The following ATL2 variants were observed in gnomAD, a reference collection of about 807,000 sequenced individuals.
ATL2 encodes atlastin GTPase 2.
Under a neutral mutation model 73.9 loss-of-function variants are expected in ATL2, and 31 were observed. That is an observed-to-expected ratio of 0.42 (90% CI 0.32 to 0.57). The LOEUF is 0.57. Ranked by LOEUF, ATL2 falls within the 20% of genes least tolerant of loss-of-function variation. The pLI is 0.14. For synonymous variants in ATL2, 291 were observed against 237.5 expected, an observed-to-expected ratio of 1.23 and a Z score of -2.07; for missense variants, 738 against 702.6, an observed-to-expected ratio of 1.05 and a Z score of -0.57.
chr2:38,359,052 A>G (rs900297920), intron 1 of ATL2, among the ~76,000 whole-genome samples: 4 of 152,216 alleles, frequency 2.6e-5, no homozygotes, highest in Non-Finnish European at 5.9e-5. Flanking sequence ...AAATTACAAA[A>G]ACAAAAATTT....
chr2:38,295,995 C>T lies in ATL2; in HGVS notation c.1751G>A (p.Ter584=), dbSNP rs1262098647. 12 of 1,544,532 alleles carry T rather than the reference C, an allele frequency of 7.8e-6. No homozygotes were observed. The highest frequency in any genetic ancestry group is 4.9e-5 in the East Asian group (2 of 40,844). The part of the protein sequence containing the change: ...VSHHARLKTD[*] ...TGGAGTCCGTGAGGAGATGAACTGT[C>T]AGTCTGTCTTTAATCTGGCATGATG... The change falls in exon 13 of 13, where the codon TGA becomes TAA. Residue 584 remains the stop codon, a stop_retained_variant. Transcript: ENST00000378954.
intron 1 of ATL2, among the ~76,000 whole-genome samples, chr2:38,345,696 T>A (rs763108695): frequency 2.0e-5 from 3 of 152,228 alleles, no homozygotes; most frequent in Non-Finnish European, 2.9e-5. Context: ...AGTTAAATTC[T>A]AAATTAACGT....
intron 2 of ATL2, among the ~76,000 whole-genome samples, chr2:38,327,743 C>A (rs34249278): frequency 0.17 from 26,339 of 152,026 alleles, 2,333 homozygotes; most frequent in African/African-American, 0.21. Context: ...CGTGATCAGT[C>A]TGGCCAACAT....
At chr2:38,375,143 T>A (rs1478545563) in intron 1 of ATL2, among the ~76,000 whole-genome samples, 1 of 152,210 alleles carries the variant, frequency 6.6e-6, no homozygotes, top group Non-Finnish European at 1.5e-5. Flanking sequence ...AACACTAAAC[T>A]ACTCAAGTGA....
At chr2:38,313,082 A>G in intron 7 of ATL2, 69 bp downstream of exon 7, 1 of 1,035,524 alleles carries the variant, frequency 9.7e-7, no homozygotes. Context: ...TGTGACCAGC[A>G]GTCCGGACAG....
intron 2 of ATL2, among the ~76,000 whole-genome samples, chr2:38,335,823 TG>T (rs545061734): frequency 4.1e-4 from 62 of 152,116 alleles, no homozygotes; most frequent in African/African-American, 1.5e-3. Context: ...AGGCAGACAA[TG>T]AGGTCAGGAG....
At chr2:38,352,133 C>CAAA (rs778821586) in intron 1 of ATL2, among the ~76,000 whole-genome samples, 1,371 of 31,848 alleles carry the variant, frequency 0.043, 107 homozygotes, top group Non-Finnish European at 0.066. Flanking sequence ...AAACAACAAC[C>CAAA]AAAAAAAAAA....
At chr2:38,329,095 A>C (rs1053774358) in intron 2 of ATL2, among the ~76,000 whole-genome samples, 1 of 150,066 alleles carries the variant, frequency 6.7e-6, no homozygotes, top group Non-Finnish European at 1.5e-5. Context: ...AAACTACCAA[A>C]CTCACACAAG....
At chr2:38,370,957 C>CG (rs970656732) in intron 1 of ATL2, among the ~76,000 whole-genome samples, 24 of 148,888 alleles carry the variant, frequency 1.6e-4, no homozygotes, top group African/African-American at 2.5e-4. Flanking sequence ...GCCCCTATCT[C>CG]GGGGGGGAAA....
chr2:38,335,598 A>G (rs1669310919), intron 2 of ATL2, among the ~76,000 whole-genome samples: 1 of 152,174 alleles, frequency 6.6e-6, no homozygotes, highest in Non-Finnish European at 1.5e-5. Flanking sequence ...GATAGCAGTA[A>G]CTGGGAAGGG....
At chr2:38,315,214 G>A (rs748043998) in intron 5 of ATL2, 70 bp downstream of exon 5, 14 of 1,347,282 alleles carry the variant, frequency 1.0e-5, no homozygotes, top group African/African-American at 3.1e-5. Flanking sequence ...TTGTGCCACC[G>A]TACTCTAGTC....
rs1347872505 is a variant in ATL2 at position 38,377,124 on chromosome 2, C to T, written c.118+19G>A. ...TCTCCCCATCAGGGCCCCGCGGCCT[C>T]TGCCTCGCTGGCCCGTACCTAGGGA... On this transcript the variant is annotated intron_variant, in intron 1 of 12. Coordinates refer to ENST00000378954, the MANE Select transcript of ATL2 (RefSeq NM_001135673.4). 6.2e-7 allele frequency: 1 copy of T among 1,606,290 alleles called. No individual in the cohort carries two copies. The highest frequency in any genetic ancestry group is 1.7e-5 in the Admixed American group (1 of 59,804).
At chr2:38,339,813 C>A (rs1038178651) in intron 2 of ATL2, among the ~76,000 whole-genome samples, 1 of 152,112 alleles carries the variant, frequency 6.6e-6, no homozygotes, top group Non-Finnish European at 1.5e-5. Flanking sequence ...GCCTCAGCCT[C>A]CCAAGTAACT....
At chr2:38,319,604 CAA>C (rs56693226) in intron 2 of ATL2, among the ~76,000 whole-genome samples, 2 of 126,864 alleles carry the variant, frequency 1.6e-5, no homozygotes, top group Admixed American at 7.9e-5. Flanking sequence ...GCCTCAAAAA[CAA>C]AAAAAAAAAA....
At chr2:38,319,126 G>A in intron 2 of ATL2, 107 bp from the exon 3 acceptor site, 12 of 1,224,594 alleles carry the variant, frequency 9.8e-6, no homozygotes, top group Admixed American at 4.5e-5. Flanking sequence ...AACCCGGAAA[G>A]ACAAAAAAAA....
chr2:38,317,693 G>GT (rs1001597276), intron 4 of ATL2, among the ~76,000 whole-genome samples: 1 of 151,632 alleles, frequency 6.6e-6, no homozygotes, highest in Non-Finnish European at 1.5e-5. Flanking sequence ...AATTACCTGG[G>GT]TTTTTTGTTT....
chr2:38,346,461 C>CT (rs1338611904), intron 1 of ATL2, among the ~76,000 whole-genome samples: 3 of 152,216 alleles, frequency 2.0e-5, no homozygotes, highest in Admixed American at 6.5e-5. Flanking sequence ...TCTGTTGCCT[C>CT]TTTTGGTGCT....
chr2:38,338,627 A>C (rs557221793), intron 2 of ATL2, among the ~76,000 whole-genome samples: 1 of 152,252 alleles, frequency 6.6e-6, no homozygotes, highest in South Asian at 2.1e-4. Context: ...TCCTATCAGA[A>C]GGTAGAGCTT....
chr2:38,330,698 TATACTC>T (rs1164107708), intron 2 of ATL2, among the ~76,000 whole-genome samples: 7 of 152,196 alleles, frequency 4.6e-5, no homozygotes, highest in African/African-American at 1.4e-4. Context: ...GTGCAAAACT[TATACTC>T]AAAAACTATA....
Sources: gnomAD v4.1 joint callset for allele counts (sites outside exome capture counted in the v4.1 genomes callset) on GRCh38, gnomAD v4.1.1 for gene constraint, MANE v1.5 for transcripts, NCBI Gene and HGNC (gene_info 2026-07-23, HGNC 2026-07-21) for gene names.